IQGAP2: variants seen among roughly 807,000 people sequenced by gnomAD.
IQGAP2 encodes ras GTPase-activating-like protein IQGAP2.
A neutral mutation model predicts 201.3 loss-of-function variants in IQGAP2; 173 were observed. The observed-to-expected ratio is 0.86, with a 90% confidence interval of 0.76 to 0.98. The LOEUF (loss-of-function observed/expected upper bound fraction) is 0.98. IQGAP2 is among the 50% of genes least tolerant of loss of function. The pLI is 0.00. For missense variants in IQGAP2, 1,687 were observed against 1,864.8 expected (o/e 0.90, Z 1.76); for synonymous variants, 675 against 673.9 (o/e 1.00, Z -0.03).
At chr5:76,664,695 A>C (rs906642242) in intron 21 of IQGAP2, among the ~76,000 whole-genome samples, 3 of 152,202 alleles carry the variant, frequency 2.0e-5, no homozygotes, top group Non-Finnish European at 4.4e-5. Context: ...AAAAAAAAAA[A>C]GATCACTGAT....
chr5:76,624,206 A>C (rs1750011684), intron 13 of IQGAP2: 1 of 152,200 alleles, frequency 6.6e-6, no homozygotes, highest in South Asian at 2.1e-4. Flanking sequence ...ATACATTCAC[A>C]TTGTTGTACA....
At chr5:76,437,237 G>A (rs1752758581) in intron 1 of IQGAP2, among the ~76,000 whole-genome samples, 1 of 151,994 alleles carries the variant, frequency 6.6e-6, no homozygotes, top group East Asian at 1.9e-4. Context: ...ATTTTTAGTA[G>A]AGATGGGGTT....
intron 2 of IQGAP2, chr5:76,510,376 A>G (rs1035111492): frequency 5.1e-6 from 1 of 195,710 alleles, no homozygotes; most frequent in Non-Finnish European, 1.1e-5. Context: ...AGCAACTGCA[A>G]TAAAGATGTG....
Position 76,702,506 on chromosome 5 carries a change from C to T in IQGAP2, c.4530C>T (p.Ile1510=), listed in dbSNP as rs1334437609. The T allele has an allele frequency of 6.4e-7, 1 of 1,567,568 alleles. No homozygotes were observed. The highest frequency in any genetic ancestry group is 1.7e-5 in the Admixed American group (1 of 59,912). The stretch of plus-strand genomic sequence containing the variant: ...GGTTTAAGAATGTTACATTTGATAT[C>T]ATAGCTACTGAAGATGTAGGCATTT... The part of the protein sequence containing the change: ...TNQFKNVTFD[I]IATEDVGIFD... The change falls in exon 35 of 36, where the codon ATC becomes ATT. Residue 1510 remains isoleucine (I), a synonymous_variant. Coordinates refer to ENST00000274364, the MANE Select transcript of IQGAP2 (RefSeq NM_006633.5).
At chr5:76,661,075 GTTAAGT>G (rs1260862961) in intron 21 of IQGAP2, among the ~76,000 whole-genome samples, 1 of 152,120 alleles carries the variant, frequency 6.6e-6, no homozygotes, top group Non-Finnish European at 1.5e-5. Context: ...TTGGGTGATA[GTTAAGT>G]TTATCTTCTC....
At chr5:76,449,983 T>C (rs1171177915) in intron 1 of IQGAP2, among the ~76,000 whole-genome samples, 1 of 152,198 alleles carries the variant, frequency 6.6e-6, no homozygotes, top group Non-Finnish European at 1.5e-5. Flanking sequence ...GGCTAAAGAA[T>C]CATAATACCT....
intron 1 of IQGAP2, among the ~76,000 whole-genome samples, chr5:76,433,926 G>A (rs34483409): frequency 6.6e-6 from 1 of 152,012 alleles, no homozygotes; most frequent in Non-Finnish European, 1.5e-5. Context: ...CAGCTATGAA[G>A]TTATGAGGCT....
intron 2 of IQGAP2, among the ~76,000 whole-genome samples, chr5:76,532,967 A>G (rs138112198): frequency 5.5e-4 from 83 of 152,278 alleles, no homozygotes; most frequent in African/African-American, 1.9e-3. Context: ...CAAGCCCCCA[A>G]CTGGCCTCAC....
Position 76,658,517 on chromosome 5 carries a change from A to G in IQGAP2, c.2379A>G (p.Gln793=), listed in dbSNP as rs763477613. Residue 793 remains glutamine, a synonymous_variant, in exon 21 of 36, where the codon CAA becomes CAG. Coordinates refer to ENST00000274364, the MANE Select transcript of IQGAP2 (RefSeq NM_006633.5). ...GCAAATTTGTATACCTGCTGGACCA[A>G]AGTGATTTGGATTTCCAGGAGGAAC... ...VIRKFVYLLD[Q]SDLDFQEELE... The G allele has an allele frequency of 5.5e-5, 88 of 1,613,966 alleles. No homozygotes were observed. The highest frequency in any genetic ancestry group is 7.3e-5 in the Non-Finnish European group (86 of 1,180,002).
chr5:76,702,356 C>T, intron 34 of IQGAP2, 126 bp from the exon 35 acceptor site: 1 of 590,164 alleles, frequency 1.7e-6, no homozygotes. Context: ...TTTTTGGTGA[C>T]TTCCTTAGGA....
intron 28 of IQGAP2, among the ~76,000 whole-genome samples, chr5:76,678,706 A>T (rs1241207563): frequency 2.6e-5 from 4 of 152,214 alleles, no homozygotes; most frequent in Non-Finnish European, 5.9e-5. Context: ...TATACAGAGA[A>T]CCAAAGGGAA....
intron 1 of IQGAP2, among the ~76,000 whole-genome samples, chr5:76,427,963 G>C (rs1048852368): frequency 6.6e-6 from 1 of 152,222 alleles, no homozygotes; most frequent in Non-Finnish European, 1.5e-5. Flanking sequence ...GCAGTGGGAG[G>C]ACCAATGCCT....
At position 76,461,628 on chromosome 5, in the gene IQGAP2, C is replaced by T; in HGVS notation, c.105C>T (p.Asn35=). The change falls in exon 2 of 36, where the codon AAC becomes AAT. Residue 35 remains asparagine, a synonymous_variant. Transcript: ENST00000274364. ...AEEMDERRRQ[N]IAYEYLCHLE... ...AGATGGATGAGAGGAGGCGGCAGAACATTGCTTATGAATATCTGTGCCACT... is the reference window on the plus strand; with the variant it reads ...AGATGGATGAGAGGAGGCGGCAGAATATTGCTTATGAATATCTGTGCCACT... 1.2e-6 allele frequency: 2 copies of T among 1,614,050 alleles called. No homozygotes were observed. The highest frequency in any genetic ancestry group is 1.7e-6 in the Non-Finnish European group (2 of 1,179,904).
chr5:76,664,983 G>A, intron 21 of IQGAP2, 43 bp from the exon 22 acceptor site: 1 of 1,062,918 alleles, frequency 9.4e-7, no homozygotes, highest in Non-Finnish European at 1.4e-6. Context: ...GAGATAAAGA[G>A]TATGAGAATT....
In IQGAP2 at chr5:76,590,439, A is replaced by C. The variant is rs746696377; in HGVS notation, c.672A>C (p.Ala224=). The C allele has an allele frequency of 6.2e-7, 1 of 1,609,486 alleles. No individual in the cohort carries two copies. Among genetic ancestry groups the C allele is most frequent in the Non-Finnish European group, 8.5e-7 (1 of 1,178,372 alleles). Reference sequence around the variant, plus strand: ...CTGCAGTTATAGCCATTAATGAAGCAGTTGAAAAAGGAATAGCAGAGCAAA... The same window carrying C: ...CTGCAGTTATAGCCATTAATGAAGCCGTTGAAAAAGGAATAGCAGAGCAAA... The part of the protein sequence containing the change: ...LHAAVIAINE[A]VEKGIAEQTV... The change falls in exon 8 of 36, where the codon GCA becomes GCC. Residue 224 remains alanine (A), a synonymous_variant. Transcript: ENST00000274364.
intron 13 of IQGAP2, among the ~76,000 whole-genome samples, chr5:76,620,040 A>G (rs1749485232): frequency 6.6e-6 from 1 of 152,208 alleles, no homozygotes; most frequent in Non-Finnish European, 1.5e-5. Context: ...TAGAGCCTCG[A>G]GAATGAACAC....
At chr5:76,549,870 A>AG (rs1216490432) in intron 2 of IQGAP2, among the ~76,000 whole-genome samples, 1 of 152,174 alleles carries the variant, frequency 6.6e-6, no homozygotes, top group Non-Finnish European at 1.5e-5. Flanking sequence ...TTGAGGTATT[A>AG]GGGGTTAGGA....
At chr5:76,517,904 C>T (rs994569773) in intron 2 of IQGAP2, among the ~76,000 whole-genome samples, 1 of 152,084 alleles carries the variant, frequency 6.6e-6, no homozygotes, top group Admixed American at 6.6e-5. Context: ...TTTCACGCTG[C>T]CGATAAAGAC....
chr5:76,564,112 A>C (rs573005576), intron 3 of IQGAP2, among the ~76,000 whole-genome samples: 2 of 152,362 alleles, frequency 1.3e-5, no homozygotes, highest in South Asian at 4.1e-4. Context: ...GTTCCAGCTC[A>C]TTATAATCTT....
Sources: allele counts gnomAD v4.1 joint callset (sites outside exome capture counted in the v4.1 genomes callset), GRCh38; gene constraint gnomAD v4.1.1; transcripts MANE v1.5; gene names NCBI Gene and HGNC (gene_info 2026-07-23, HGNC 2026-07-21).